The following NRXN1 variants were observed in gnomAD, a reference collection of about 807,000 sequenced individuals.
NRXN1 encodes the protein neurexin-1.
Under a neutral mutation model 150.9 loss-of-function variants are expected in NRXN1, and 39 were observed. The ratio of observed to expected loss-of-function variants is 0.26; its 90% confidence interval spans 0.20 to 0.34. NRXN1 has a LOEUF of 0.34. Among genes scored for constraint, NRXN1 ranks in the 10% least tolerant of loss-of-function variants. The probability of loss-of-function intolerance (pLI) is 1.00; values close to 1 mark genes in which losing one functional copy is unlikely to be tolerated. For synonymous variants in NRXN1, 924 were observed against 757.0 expected, an observed-to-expected ratio of 1.22 and a Z score of -3.62; for missense variants, 1,815 against 1,949.9, an observed-to-expected ratio of 0.93 and a Z score of 1.30.
At chr2:50,098,692 A>C (rs1700563838) in intron 18 of NRXN1, among the ~76,000 whole-genome samples, 2 of 152,060 alleles carry the variant, frequency 1.3e-5, no homozygotes, top group Non-Finnish European at 2.9e-5. Flanking sequence ...AAATATGACC[A>C]ATTTGGTGGG....
chr2:50,523,098 T>C (rs1421543487), intron 12 of NRXN1, among the ~76,000 whole-genome samples: 7 of 151,996 alleles, frequency 4.6e-5, no homozygotes, highest in Non-Finnish European at 8.8e-5. Context: ...TTTTTATTTG[T>C]TTTCTGTCAG....
intron 5 of NRXN1, among the ~76,000 whole-genome samples, chr2:50,805,937 C>G (rs917614438): frequency 6.6e-6 from 1 of 152,112 alleles, no homozygotes; most frequent in African/African-American, 2.4e-5. Context: ...ACAGAACATA[C>G]CTACCTATAT....
intron 17 of NRXN1, among the ~76,000 whole-genome samples, chr2:50,457,234 T>G (rs753309711): frequency 2.0e-5 from 3 of 152,102 alleles, no homozygotes; most frequent in Non-Finnish European, 4.4e-5. Context: ...GGGAAAAGCA[T>G]AAGGTTTAAA....
intron 8 of NRXN1, among the ~76,000 whole-genome samples, chr2:50,599,085 C>A (rs943401561): frequency 1.3e-5 from 2 of 152,008 alleles, no homozygotes; most frequent in South Asian, 4.1e-4. Context: ...TCTCCTATTT[C>A]TTTTAAAGAT....
At chr2:50,270,781 T>G (rs989724289) in intron 17 of NRXN1, among the ~76,000 whole-genome samples, 5 of 151,858 alleles carry the variant, frequency 3.3e-5, no homozygotes, top group Admixed American at 1.3e-4. Flanking sequence ...GCAATTCTCC[T>G]GCCTCAGCTT....
intron 5 of NRXN1, among the ~76,000 whole-genome samples, chr2:50,914,658 G>A (rs1684967998): frequency 6.6e-6 from 1 of 151,600 alleles, no homozygotes; most frequent in South Asian, 2.1e-4. Flanking sequence ...CAAATCTGAG[G>A]CCACTTGACC....
intron 5 of NRXN1, among the ~76,000 whole-genome samples, chr2:50,627,562 T>C (rs1573866037): frequency 6.6e-6 from 1 of 151,322 alleles, no homozygotes; most frequent in East Asian, 1.9e-4. Context: ...CAATTCTACA[T>C]GATGAAGGAT....
chr2:50,927,368 G>A (rs1031450322), intron 2 of NRXN1, among the ~76,000 whole-genome samples: 1 of 151,868 alleles, frequency 6.6e-6, no homozygotes, highest in Non-Finnish European at 1.5e-5. Context: ...GCTAAATGTG[G>A]GTAATAACAT....
chr2:50,383,715 A>T (rs1293409040), intron 17 of NRXN1, among the ~76,000 whole-genome samples: 1 of 152,198 alleles, frequency 6.6e-6, no homozygotes, highest in Admixed American at 6.5e-5. Context: ...TACATTTGAC[A>T]AATCTTTTAC....
chr2:50,173,848 T>C (rs2060176789), intron 18 of NRXN1, among the ~76,000 whole-genome samples: 2 of 152,190 alleles, frequency 1.3e-5, no homozygotes, highest in South Asian at 2.1e-4. Flanking sequence ...ATCAGTTCTT[T>C]GTGTTCCCTC....
At position 50,223,347 on chromosome 2, in the gene NRXN1, CCA is replaced by C. The variant is rs2064064088; in HGVS notation, c.3546+13440_3546+13441del. On this transcript the variant is annotated intron_variant, in intron 18 of 22. Transcript: ENST00000401669. ...TCTCAAATTCCAGAAACATCCCCAGCCACTGCATTTATCCAACACCCTTCTCA... is the reference window on the plus strand; with the variant it reads ...TCTCAAATTCCAGAAACATCCCCAGCCTGCATTTATCCAACACCCTTCTCA... 2.6e-5 allele frequency among the ~76,000 whole-genome samples: 4 copies of C among 152,000 alleles called. No individual in the cohort carries two copies. In the South Asian group the frequency reaches 8.3e-4, roughly 32 times the overall value.
chr2:50,850,891 C>T (rs992229000), intron 5 of NRXN1, among the ~76,000 whole-genome samples: 8 of 152,076 alleles, frequency 5.3e-5, no homozygotes, highest in African/African-American at 1.9e-4. Context: ...AAATAAGGCC[C>T]TTAGAATGTG....
intron 2 of NRXN1, among the ~76,000 whole-genome samples, chr2:50,976,496 G>A (rs1575105642): frequency 6.6e-6 from 1 of 151,686 alleles, no homozygotes; most frequent in South Asian, 2.1e-4. Flanking sequence ...ATCCCTTTTT[G>A]ATTTGAAAAG....
At chr2:50,549,297 A>C (rs1412593087) in intron 9 of NRXN1, among the ~76,000 whole-genome samples, 1 of 152,136 alleles carries the variant, frequency 6.6e-6, no homozygotes, top group Admixed American at 6.5e-5. Context: ...TTAAAATACT[A>C]TATATAAAAT....
chr2:50,575,552 CT>C (rs1671315208), intron 8 of NRXN1, among the ~76,000 whole-genome samples: 1 of 152,184 alleles, frequency 6.6e-6, no homozygotes, highest in African/African-American at 2.4e-5. Context: ...TCTGATCTCT[CT>C]TTTTATTGCC....
chr2:50,398,925 G>C (rs1442755679), intron 17 of NRXN1, among the ~76,000 whole-genome samples: 1 of 152,068 alleles, frequency 6.6e-6, no homozygotes, highest in Admixed American at 6.6e-5. Flanking sequence ...GAGGATAGGA[G>C]GGTAGGTATA....
intron 5 of NRXN1, chr2:50,656,360 G>C (rs1346324741): frequency 5.1e-6 from 4 of 776,790 alleles, no homozygotes; most frequent in African/African-American, 3.4e-5. Flanking sequence ...ACCTGAGTCT[G>C]TACTAGGACA....
intron 5 of NRXN1, among the ~76,000 whole-genome samples, chr2:50,655,265 C>A (rs1686260189): frequency 6.7e-6 from 1 of 149,214 alleles, no homozygotes; most frequent in Non-Finnish European, 1.5e-5. Flanking sequence ...TTAAAAAAAA[C>A]ACCAAACTAT....
At chr2:50,249,004 T>C (rs910151958) in intron 17 of NRXN1, among the ~76,000 whole-genome samples, 2 of 150,844 alleles carry the variant, frequency 1.3e-5, no homozygotes, top group African/African-American at 4.9e-5. Flanking sequence ...TTTTTTTTTT[T>C]TAATTAGCTG....
Sources: gnomAD v4.1 joint callset for allele counts (sites outside exome capture counted in the v4.1 genomes callset) on GRCh38, gnomAD v4.1.1 for gene constraint, MANE v1.5 for transcripts, NCBI Gene and HGNC (gene_info 2026-07-23, HGNC 2026-07-21) for gene names.